The following FARS2 variants were observed in gnomAD, a reference collection of about 807,000 sequenced individuals.
The protein encoded by FARS2 is phenylalanine--tRNA ligase, mitochondrial.
FARS2 carries 40 observed loss-of-function variants against 46.4 expected under a neutral mutation model. The ratio of observed to expected loss-of-function variants is 0.86; its 90% confidence interval spans 0.67 to 1.12. FARS2 has a LOEUF of 1.12. Among genes scored for constraint, FARS2 ranks in the 50% most tolerant of loss-of-function variants. The pLI is 0.00. For synonymous variants in FARS2, 234 were observed against 214.9 expected, an observed-to-expected ratio of 1.09 and a Z score of -0.78; for missense variants, 513 against 567.9, an observed-to-expected ratio of 0.90 and a Z score of 0.98.
At chr6:5,488,706 C>T (rs1438728253) in intron 4 of FARS2, among the ~76,000 whole-genome samples, 1 of 148,638 alleles carries the variant, frequency 6.7e-6, no homozygotes, top group East Asian at 1.9e-4. Flanking sequence ...TGCAGAACTT[C>T]AGCCATTATC....
chr6:5,338,868 G>A (rs1200013071), intron 1 of FARS2, among the ~76,000 whole-genome samples: 2 of 152,016 alleles, frequency 1.3e-5, no homozygotes, highest in Admixed American at 1.3e-4. Context: ...GTTTTCTTGC[G>A]ATTTTCCTGT....
At chr6:5,646,670 G>A (rs1488804359) in intron 6 of FARS2, among the ~76,000 whole-genome samples, 3 of 152,108 alleles carry the variant, frequency 2.0e-5, no homozygotes, top group Non-Finnish European at 4.4e-5. Context: ...AAATGGCATA[G>A]TATTTGCATA....
chr6:5,645,444 C>T (rs1241871340), intron 6 of FARS2, among the ~76,000 whole-genome samples: 4 of 152,152 alleles, frequency 2.6e-5, no homozygotes, highest in East Asian at 1.9e-4. Flanking sequence ...GGATGAGGGA[C>T]GAGTGCCAAG....
intron 6 of FARS2, among the ~76,000 whole-genome samples, chr6:5,644,019 T>C (rs1000257278): frequency 6.6e-6 from 1 of 152,122 alleles, no homozygotes; most frequent in African/African-American, 2.4e-5. Flanking sequence ...GATGCAGATG[T>C]AATGAACACT....
At chr6:5,707,991 A>G (rs1561813160) in intron 6 of FARS2, among the ~76,000 whole-genome samples, 1 of 152,192 alleles carries the variant, frequency 6.6e-6, no homozygotes, top group Non-Finnish European at 1.5e-5. Flanking sequence ...CCTCACAGGG[A>G]AGGTGCCATT....
intron 6 of FARS2, among the ~76,000 whole-genome samples, chr6:5,646,107 CA>C (rs1561774609): frequency 0.015 from 2,210 of 152,076 alleles, 64 homozygotes; most frequent in African/African-American, 0.05. Flanking sequence ...ACTGACATGA[CA>C]GAGAGGGAGC....
intron 6 of FARS2, among the ~76,000 whole-genome samples, chr6:5,725,303 G>C (rs911580514): frequency 6.6e-6 from 1 of 152,222 alleles, no homozygotes; most frequent in Non-Finnish European, 1.5e-5. Context: ...AATTGGAAAG[G>C]AGCTTTGGAG....
intron 5 of FARS2, among the ~76,000 whole-genome samples, chr6:5,595,396 A>C (rs557091113): frequency 6.6e-6 from 1 of 152,292 alleles, no homozygotes; most frequent in South Asian, 2.1e-4. Context: ...TTCTGTCGGC[A>C]TTCTCTGATG....
At chr6:5,729,122 C>T (rs1158381626) in intron 6 of FARS2, among the ~76,000 whole-genome samples, 1 of 152,204 alleles carries the variant, frequency 6.6e-6, no homozygotes, top group East Asian at 1.9e-4. Context: ...CTGAAAAGGG[C>T]ACTTAAGCAA....
At chr6:5,717,612 C>G (rs964159176) in intron 6 of FARS2, among the ~76,000 whole-genome samples, 7 of 152,096 alleles carry the variant, frequency 4.6e-5, no homozygotes, top group African/African-American at 1.4e-4. Context: ...TTTGGCAAGA[C>G]TACTTCATGA....
intron 2 of FARS2, among the ~76,000 whole-genome samples, chr6:5,386,802 G>A (rs142095440): frequency 1.6e-3 from 246 of 152,274 alleles, no homozygotes; most frequent in African/African-American, 5.7e-3. Flanking sequence ...ACATGTTTAG[G>A]TTTGGGATTT....
chr6:5,701,177 G>A (rs1322260369), intron 6 of FARS2, among the ~76,000 whole-genome samples: 2 of 152,246 alleles, frequency 1.3e-5, no homozygotes, highest in Non-Finnish European at 2.9e-5. Context: ...CCAGCCTTGG[G>A]AGGCACAGGA....
At chr6:5,303,299 A>AG (rs1458063177) in intron 1 of FARS2, among the ~76,000 whole-genome samples, 2 of 152,222 alleles carry the variant, frequency 1.3e-5, no homozygotes, top group Non-Finnish European at 2.9e-5. Context: ...GATGAAGGGC[A>AG]AGAATGCAAG....
intron 4 of FARS2, among the ~76,000 whole-genome samples, chr6:5,497,798 A>G (rs1384074089): frequency 6.6e-6 from 1 of 152,204 alleles, no homozygotes; most frequent in African/African-American, 2.4e-5. Context: ...TTTAAAATGT[A>G]ATCCTTTCAT....
chr6:5,573,396 A>G (rs1772770203), intron 5 of FARS2, among the ~76,000 whole-genome samples: 1 of 149,384 alleles, frequency 6.7e-6, no homozygotes, highest in Admixed American at 6.6e-5. Flanking sequence ...TCTTTTATTG[A>G]CACACACACA....
At chr6:5,758,313 A>G (rs537561645) in intron 6 of FARS2, among the ~76,000 whole-genome samples, 2 of 152,246 alleles carry the variant, frequency 1.3e-5, no homozygotes, top group South Asian at 4.1e-4. Flanking sequence ...AATCAATTAG[A>G]TTACTTTTTC....
At chr6:5,365,638 C>T (rs893749821) in intron 1 of FARS2, among the ~76,000 whole-genome samples, 8 of 151,552 alleles carry the variant, frequency 5.3e-5, no homozygotes, top group Non-Finnish European at 1.2e-4. Flanking sequence ...AGGCGTGAGC[C>T]ACCACACCCT....
chr6:5,432,780 A>G (rs1311964758), intron 4 of FARS2, among the ~76,000 whole-genome samples: 1 of 151,884 alleles, frequency 6.6e-6, no homozygotes, highest in Non-Finnish European at 1.5e-5. Flanking sequence ...GTAACTAAGA[A>G]ATGTGAATAG....
chr6:5,404,711 C>A lies in FARS2; in HGVS notation c.772+10C>A. ...CATCTTTTTGGAGATGGTAAGTGCT[C>A]AAACACAGGTTGACGATCTCTTATC... On this transcript the variant is annotated intron_variant, in intron 3 of 6. Coordinates refer to ENST00000274680, the MANE Select transcript of FARS2 (RefSeq NM_006567.5). 6.5e-7 allele frequency: 1 copy of A among 1,546,560 alleles called. No homozygotes were observed. The highest frequency in any genetic ancestry group is 1.4e-5 in the African/African-American group (1 of 72,640).
Sources: gnomAD v4.1 joint callset for allele counts (sites outside exome capture counted in the v4.1 genomes callset) on GRCh38, gnomAD v4.1.1 for gene constraint, MANE v1.5 for transcripts, NCBI Gene and HGNC (gene_info 2026-07-23, HGNC 2026-07-21) for gene names.